ADAMTSL1: variants seen among roughly 807,000 people sequenced by gnomAD.
ADAMTSL1 encodes the protein ADAMTS like 1.
ADAMTSL1 carries 126 observed loss-of-function variants against 201.8 expected under a neutral mutation model. The observed-to-expected ratio is 0.62, with a 90% CI of 0.54 to 0.72. ADAMTSL1 has a LOEUF of 0.72. ADAMTSL1 is among the 30% of genes least tolerant of loss of function. The pLI, the probability that ADAMTSL1 is intolerant of heterozygous loss-of-function variation, is 0.00. For synonymous variants in ADAMTSL1, 1,121 were observed against 903.4 expected, an observed-to-expected ratio of 1.24 and a Z score of -4.32; for missense variants, 2,679 against 2,277.8, an observed-to-expected ratio of 1.18 and a Z score of -3.59.
rs1824557260 is a variant in ADAMTSL1 at position 18,826,327 on chromosome 9, A to G, written c.3978A>G (p.Lys1326=). 1 of 1,613,308 alleles carries G rather than the reference A, an allele frequency of 6.2e-7. No homozygotes were observed. The highest frequency in any genetic ancestry group is 8.5e-7 in the Non-Finnish European group (1 of 1,179,708). ...TCACTTGGTTCAGGAATAAAAGCAA[A>G]CTGGGCTCCCCGCACCATCTGCACG... The part of the protein sequence containing the change: ...AEVTWFRNKS[K]LGSPHHLHEG... Residue 1326 remains lysine (K), a synonymous_variant, in exon 22 of 29, where the codon AAA becomes AAG. Coordinates refer to ENST00000380548, the MANE Select transcript of ADAMTSL1 (RefSeq NM_001040272.6).
At chr9:18,193,714 A>C (rs1490760176) in intron 2 of ADAMTSL1, among the ~76,000 whole-genome samples, 1 of 152,186 alleles carries the variant, frequency 6.6e-6, no homozygotes, top group African/African-American at 2.4e-5. Flanking sequence ...GCCTACTCCC[A>C]TAGCCACATA....
chr9:17,928,391 A>G (rs891858087), intron 1 of ADAMTSL1, among the ~76,000 whole-genome samples: 7 of 152,182 alleles, frequency 4.6e-5, no homozygotes, highest in African/African-American at 1.7e-4. Flanking sequence ...TTTGAACTCA[A>G]GGTAGAGCTA....
At chr9:18,489,152 G>T (rs1024104366) in intron 1 of ADAMTSL1, among the ~76,000 whole-genome samples, 2 of 152,140 alleles carry the variant, frequency 1.3e-5, no homozygotes, top group Middle Eastern at 3.2e-3. Flanking sequence ...TATAGACAGA[G>T]TTGACAATCA....
At chr9:18,505,073 A>T in intron 2 of ADAMTSL1, 117 bp downstream of exon 2, 3 of 1,271,038 alleles carry the variant, frequency 2.4e-6, no homozygotes, top group Non-Finnish European at 3.2e-6. Context: ...AGATAAAAGA[A>T]AAGAATTAAA....
intron 2 of ADAMTSL1, among the ~76,000 whole-genome samples, chr9:18,357,758 ACCTAG>A (rs1338835856): frequency 1.3e-5 from 2 of 152,062 alleles, no homozygotes; most frequent in African/African-American, 4.8e-5. Flanking sequence ...TTTTTCCATA[ACCTAG>A]AATTGGAAAA....
intron 3 of ADAMTSL1, among the ~76,000 whole-genome samples, chr9:18,572,451 G>T (rs151015421): frequency 0.014 from 2,127 of 152,156 alleles, 18 homozygotes; most frequent in Middle Eastern, 0.024. Flanking sequence ...TATTCAAAAT[G>T]TTAAGCCTTG....
At chr9:18,323,865 G>A (rs1469787244) in intron 2 of ADAMTSL1, among the ~76,000 whole-genome samples, 18 of 152,090 alleles carry the variant, frequency 1.2e-4, no homozygotes, top group Non-Finnish European at 1.5e-4. Flanking sequence ...CCATGTACGT[G>A]GGTTGGAAGA....
chr9:18,890,003 G>T (rs1280816079), intron 25 of ADAMTSL1, among the ~76,000 whole-genome samples: 2 of 152,118 alleles, frequency 1.3e-5, no homozygotes, highest in African/African-American at 2.4e-5. Flanking sequence ...CCCTAACGGG[G>T]TCTGTTCAGG....
At chr9:18,645,535 G>A (rs1276325752) in intron 7 of ADAMTSL1, among the ~76,000 whole-genome samples, 3 of 150,832 alleles carry the variant, frequency 2.0e-5, no homozygotes, top group Non-Finnish European at 4.4e-5. Flanking sequence ...TAACGTTTAA[G>A]TCTTTAATCC....
chr9:18,155,113 G>T (rs1827094505), intron 1 of ADAMTSL1, among the ~76,000 whole-genome samples: 1 of 151,844 alleles, frequency 6.6e-6, no homozygotes, highest in Non-Finnish European at 1.5e-5. Context: ...AATCTGTTTG[G>T]GTCCAAATTA....
intron 14 of ADAMTSL1, among the ~76,000 whole-genome samples, chr9:18,717,755 A>G (rs1833042946): frequency 6.6e-6 from 1 of 152,186 alleles, no homozygotes; most frequent in Non-Finnish European, 1.5e-5. Context: ...CAGCTGCATA[A>G]TCTAGGACTA....
chr9:18,795,264 T>C, intron 19 of ADAMTSL1, 133 bp from the exon 20 acceptor site: 1 of 1,145,782 alleles, frequency 8.7e-7, no homozygotes, highest in East Asian at 2.4e-5. Context: ...ATTGTCCTTG[T>C]AGCTGGTTTG....
intron 2 of ADAMTSL1, among the ~76,000 whole-genome samples, chr9:18,388,688 A>C (rs78949580): frequency 0.013 from 1,827 of 141,640 alleles, 29 homozygotes; most frequent in South Asian, 0.051. Context: ...TTTCCTCTCT[A>C]CTGGTTTGGA....
At chr9:17,931,074 T>C (rs752872734) in intron 1 of ADAMTSL1, among the ~76,000 whole-genome samples, 1 of 152,164 alleles carries the variant, frequency 6.6e-6, no homozygotes, top group African/African-American at 2.4e-5. Flanking sequence ...GGGCTATTAA[T>C]CAAATAGTAT....
intron 2 of ADAMTSL1, among the ~76,000 whole-genome samples, chr9:18,296,576 A>G (rs1051324689): frequency 1.3e-5 from 2 of 152,328 alleles, no homozygotes; most frequent in South Asian, 2.1e-4. Flanking sequence ...ATGTTGCATT[A>G]TATTATTCTT....
At chr9:18,291,606 A>T (rs1833263693) in intron 2 of ADAMTSL1, among the ~76,000 whole-genome samples, 3 of 151,960 alleles carry the variant, frequency 2.0e-5, no homozygotes. Flanking sequence ...CCCACTGAAG[A>T]TCTGACTACT....
intron 1 of ADAMTSL1, among the ~76,000 whole-genome samples, chr9:17,976,498 G>T (rs1445847701): frequency 1.3e-5 from 2 of 151,750 alleles, no homozygotes. Flanking sequence ...TTGTACATGG[G>T]ATTGTTTTCT....
intron 2 of ADAMTSL1, among the ~76,000 whole-genome samples, chr9:18,317,717 C>T (rs757863878): frequency 6.6e-6 from 1 of 152,186 alleles, no homozygotes; most frequent in Non-Finnish European, 1.5e-5. Flanking sequence ...TCCCTTACAC[C>T]CTTACACCTC....
At position 18,844,858 on chromosome 9, in the gene ADAMTSL1, T is replaced by A. The variant is rs573750530; in HGVS notation, c.4249+14881T>A. On this transcript the variant is annotated intron_variant, in intron 23 of 28. Transcript: ENST00000380548. ...CCTCCGAGCCATGTGCGGGATATAA[T>A]CTCCTGGTGTGCCGTTTTTTAAGCC... Among the ~76,000 whole-genome samples the A allele has an allele frequency of 5.4e-4, 82 of 152,282 alleles. No homozygotes were observed. The Middle Eastern group carries it at 0.01, about 19-fold the overall frequency.
Sources: gnomAD v4.1 joint callset for allele counts (sites outside exome capture counted in the v4.1 genomes callset) on GRCh38, gnomAD v4.1.1 for gene constraint, MANE v1.5 for transcripts, NCBI Gene and HGNC (gene_info 2026-07-23, HGNC 2026-07-21) for gene names.